The following MEGF6 variants were observed in gnomAD, a reference collection of about 807,000 sequenced individuals.
MEGF6 encodes multiple epidermal growth factor-like domains protein 6.
MEGF6 carries 184 observed loss-of-function variants against 207.1 expected under a neutral mutation model. The ratio of observed to expected loss-of-function variants is 0.89; its 90% CI spans 0.79 to 1.00. The LOEUF is 1.00. Ranked by LOEUF, MEGF6 falls within the 50% of genes least tolerant of loss-of-function variation. MEGF6 has a pLI of 0.00. For synonymous variants in MEGF6, 1,038 were observed against 910.0 expected, an observed-to-expected ratio of 1.14 and a Z score of -2.53; for missense variants, 2,282 against 2,202.9, an observed-to-expected ratio of 1.04 and a Z score of -0.72.
chr1:3,560,670 G>A lies in MEGF6; in HGVS notation c.481+19155C>T. ...TTCCCAGGCTTGGGGGAGGCTGGGT[G>A]CCATCAACCCCTCCCCATCTGTGGT... is the stretch of plus-strand genomic sequence containing the variant. On this transcript the variant is annotated intron_variant, in intron 4 of 36. Coordinates refer to ENST00000356575, the MANE Select transcript of MEGF6 (RefSeq NM_001409.4). This position sits in a 1 kb window ranked among gnomAD's most constrained non-coding sequence, Gnocchi z 4.0. 2.2e-6 allele frequency: 1 copy of A among 449,458 alleles called. No individual in the cohort carries two copies. Among genetic ancestry groups the A allele is most frequent in the Non-Finnish European group, 4.7e-6 (1 of 212,818 alleles). 27.8% of individuals were successfully genotyped at this position (449,458 alleles called of 1,614,324 possible). A position where few individuals can be genotyped will look rare whatever the true frequency, so the allele number is the denominator to read the frequency against.
intron 5 of MEGF6, among the ~76,000 whole-genome samples, chr1:3,518,574 C>T (rs1418631723): frequency 1.3e-5 from 2 of 152,214 alleles, no homozygotes; most frequent in African/African-American, 4.8e-5. Flanking sequence ...CGGGCTGCGC[C>T]GAGGCAGGGG....
Position 3,546,324 on chromosome 1 carries a change from C to T in MEGF6, c.482-22078G>A, listed in dbSNP as rs534732266. On this transcript the variant is annotated intron_variant, in intron 4 of 36. Transcript: ENST00000356575. ...ACAGGGTCTGCTTAGAGCTCGCAAA[C>T]GCTTCTAGCCCCAGGTCTTGCCTGA... 8.5e-5 allele frequency among the ~76,000 whole-genome samples: 13 copies of T among 152,366 alleles called. No individual in the cohort carries two copies. In the South Asian group the frequency reaches 2.1e-3, roughly 24 times the overall value.
chr1:3,604,527 G>A (rs1644213508), intron 1 of MEGF6, among the ~76,000 whole-genome samples: 1 of 152,188 alleles, frequency 6.6e-6, no homozygotes, highest in Non-Finnish European at 1.5e-5. Flanking sequence ...CCTGCACCAG[G>A]AAGACAACTC....
At chr1:3,589,246 C>G (rs1320159772) in intron 3 of MEGF6, among the ~76,000 whole-genome samples, 1 of 152,166 alleles carries the variant, frequency 6.6e-6, no homozygotes, top group African/African-American at 2.4e-5. Flanking sequence ...GCAGGCACAG[C>G]CTTGCTGACA....
chr1:3,571,782 C>G (rs796107296), intron 4 of MEGF6, among the ~76,000 whole-genome samples: 1 of 146,926 alleles, frequency 6.8e-6, no homozygotes, highest in African/African-American at 2.6e-5. Flanking sequence ...GTGCTGAGTC[C>G]TTTCCAGGTG....
intron 4 of MEGF6, among the ~76,000 whole-genome samples, chr1:3,567,168 C>A (rs1266759785): frequency 6.6e-6 from 1 of 152,170 alleles, no homozygotes; most frequent in Non-Finnish European, 1.5e-5. Flanking sequence ...GTGCTAGAGG[C>A]AAAGATGTGA....
intron 1 of MEGF6, among the ~76,000 whole-genome samples, chr1:3,604,345 C>T (rs1395902517): frequency 1.3e-5 from 2 of 152,164 alleles, no homozygotes; most frequent in East Asian, 1.9e-4. Context: ...AGGCAGGGCA[C>T]GAGGCAGGGC....
chr1:3,602,414 C>A, intron 2 of MEGF6, 52 bp downstream of exon 2: 1 of 1,611,086 alleles, frequency 6.2e-7, no homozygotes, highest in Non-Finnish European at 8.5e-7. Context: ...GTGGTCAGTG[C>A]CGCCCTTTGT....
chr1:3,500,788 C>T lies in MEGF6; in HGVS notation c.2576-24G>A, dbSNP rs546074249. On this transcript the variant is annotated intron_variant, in intron 20 of 36. Coordinates refer to ENST00000356575, the MANE Select transcript of MEGF6 (RefSeq NM_001409.4). ...GGCTGCAACAGAACTCAGGGTCACC[C>T]GGCGCAGGCCCAAGCGCGGGCCACG... is the stretch of plus-strand genomic sequence containing the variant. The T allele has an allele frequency of 5.4e-5, 86 of 1,601,006 alleles. 1 individual carries two copies. The South Asian group carries it at 7.3e-4, about 14-fold the overall frequency.
At chr1:3,511,025 A>ACGTGAGGCTGTGGG in intron 9 of MEGF6, 123 bp from the exon 10 acceptor site, 1 of 1,394,058 alleles carries the variant, frequency 7.2e-7, no homozygotes, top group Non-Finnish European at 9.7e-7. Context: ...GCAGCTGCCC[A>ACGTGAGGCTGTGGG]CAGCCTCACG....
rs762035547 is a variant in MEGF6 at position 3,499,898 on chromosome 1, C to T, written c.2734G>A (p.Gly912Ser). Residue 912 changes from glycine (G) to serine (S), a missense_variant, in exon 22 of 37, where the codon GGC (glycine) becomes AGC (serine). Physicochemically the swap from Gly to Ser is moderately conservative, Grantham distance 56. Coordinates refer to ENST00000356575, the MANE Select transcript of MEGF6 (RefSeq NM_001409.4). ...QQCPQGHFGP[G>S]CEQRCQCQHG... ...TGACACTGGCACCGCTGCTCACAGC[C>T]GGGCCCAAAGTGGCCCTGGGGACAC... The T allele has an allele frequency of 1.1e-5, 17 of 1,561,802 alleles. No individual in the cohort carries two copies. Among genetic ancestry groups the T allele is most frequent in the Middle Eastern group, 1.8e-4 (1 of 5,566 alleles).
intron 12 of MEGF6, 62 bp downstream of exon 12, chr1:3,509,013 C>T (rs1641225324): frequency 8.3e-6 from 12 of 1,450,114 alleles, no homozygotes; most frequent in South Asian, 1.4e-5. Context: ...CAGCCTAGCC[C>T]GAGGGGTCGC....
intron 5 of MEGF6, among the ~76,000 whole-genome samples, chr1:3,518,912 C>A (rs1269022838): frequency 6.6e-6 from 1 of 152,168 alleles, no homozygotes; most frequent in Non-Finnish European, 1.5e-5. Context: ...ATCCCCTGCC[C>A]TCTCAATGGG....
chr1:3,607,992 T>C (rs1450630052), intron 1 of MEGF6, among the ~76,000 whole-genome samples: 4 of 151,760 alleles, frequency 2.6e-5, no homozygotes, highest in Admixed American at 2.6e-4. Flanking sequence ...CCTGGCTGAA[T>C]GCAGCCCCTG....
intron 25 of MEGF6, 60 bp downstream of exon 25, chr1:3,498,638 G>A: frequency 1.3e-6 from 2 of 1,502,462 alleles, no homozygotes; most frequent in East Asian, 2.5e-5. Context: ...TCCTAGGCCT[G>A]CAGGCGGGGC....
chr1:3,549,181 C>T (rs933833266), intron 4 of MEGF6, among the ~76,000 whole-genome samples: 3 of 152,200 alleles, frequency 2.0e-5, no homozygotes, highest in African/African-American at 4.8e-5. Context: ...TCGGGGCCCC[C>T]GTGCTCAGCC....
At chr1:3,564,188 G>C (rs939891425) in intron 4 of MEGF6, among the ~76,000 whole-genome samples, 2 of 150,470 alleles carry the variant, frequency 1.3e-5, no homozygotes, top group African/African-American at 2.4e-5. Flanking sequence ...GAGTCGGGGT[G>C]GGGGAGCTGA....
intron 24 of MEGF6, 110 bp downstream of exon 24, chr1:3,499,028 C>T (rs1640736367): frequency 2.0e-6 from 3 of 1,479,142 alleles, no homozygotes; most frequent in South Asian, 2.5e-5. Context: ...TCAGTCCTAA[C>T]AGCCCCTTCC....
chr1:3,549,300 C>A (rs1319265139), intron 4 of MEGF6, among the ~76,000 whole-genome samples: 4 of 152,218 alleles, frequency 2.6e-5, no homozygotes, highest in African/African-American at 9.6e-5. Context: ...AGCTGGGGCT[C>A]CCCCAACCCC....
Sources: allele counts gnomAD v4.1 joint callset (sites outside exome capture counted in the v4.1 genomes callset), GRCh38; gene constraint gnomAD v4.1.1; non-coding constraint Gnocchi (gnomAD v3.1); transcripts MANE v1.5; gene names NCBI Gene and HGNC (gene_info 2026-07-23, HGNC 2026-07-21).